The following NR6A1 variants were observed in gnomAD, a reference collection of about 807,000 sequenced individuals.
NR6A1 encodes nuclear receptor subfamily 6 group A member 1, also known as retinoic acid receptor-related testis-associated receptor.
Under a neutral mutation model 59.1 loss-of-function variants are expected in NR6A1, and 7 were observed. That is an observed-to-expected ratio of 0.12 (90% confidence interval 0.07 to 0.22). NR6A1 has a LOEUF of 0.22. NR6A1 is among the 10% of genes least tolerant of loss of function. NR6A1 has a pLI of 1.00. For synonymous variants in NR6A1, 243 were observed against 236.1 expected, an observed-to-expected ratio of 1.03 and a Z score of -0.27; for missense variants, 468 against 611.6, an observed-to-expected ratio of 0.77 and a Z score of 2.48.
intron 1 of NR6A1, among the ~76,000 whole-genome samples, chr9:124,767,749 G>C (rs1310446088): frequency 6.6e-6 from 1 of 152,122 alleles, no homozygotes; most frequent in Non-Finnish European, 1.5e-5. Context: ...AGAAGAAAAA[G>C]GCACCGTGCT....
intron 2 of NR6A1, among the ~76,000 whole-genome samples, chr9:124,644,876 G>T (rs1042555353): frequency 2.6e-5 from 4 of 152,200 alleles, no homozygotes; most frequent in Admixed American, 6.5e-5. Context: ...CTGTACTTCA[G>T]ATTTTCCAGG....
In NR6A1 at chr9:124,684,135, T is replaced by C. The variant is rs186109481; in HGVS notation, c.142+49173A>G. On this transcript the variant is annotated intron_variant, in intron 2 of 9. Coordinates refer to ENST00000487099, the MANE Select transcript of NR6A1 (RefSeq NM_033334.4). ...GCAAGAAAACAAGCAAATAGGGAGA[T>C]GTGCTAGGTATGACCAAGCTGCCTC... Among the ~76,000 whole-genome samples the C allele has an allele frequency of 2.0e-5, 3 of 152,280 alleles. No individual in the cohort carries two copies. In the South Asian group the frequency reaches 6.2e-4, roughly 32 times the overall value.
chr9:124,685,331 G>A (rs1024679854), intron 2 of NR6A1, among the ~76,000 whole-genome samples: 11 of 152,120 alleles, frequency 7.2e-5, no homozygotes, highest in African/African-American at 2.4e-4. Context: ...CTTTTTCTGG[G>A]AGGAGTTGGG....
At chr9:124,565,901 G>A (rs1834227051) in intron 2 of NR6A1, among the ~76,000 whole-genome samples, 2 of 152,128 alleles carry the variant, frequency 1.3e-5, no homozygotes, top group East Asian at 3.8e-4. Flanking sequence ...TATGGAAAAC[G>A]GCATGTCACT....
chr9:124,604,588 C>G (rs1316312051), intron 2 of NR6A1, among the ~76,000 whole-genome samples: 1 of 152,142 alleles, frequency 6.6e-6, no homozygotes, highest in African/African-American at 2.4e-5. Flanking sequence ...GCGGGTAGAT[C>G]GTTTGAGTCC....
intron 2 of NR6A1, among the ~76,000 whole-genome samples, chr9:124,571,066 T>C (rs1186351028): frequency 1.3e-5 from 2 of 152,184 alleles, no homozygotes; most frequent in African/African-American, 4.8e-5. Context: ...CAAGAGACGA[T>C]GTAGTGGACA....
At chr9:124,720,631 A>C (rs1413992549) in intron 2 of NR6A1, among the ~76,000 whole-genome samples, 2 of 152,204 alleles carry the variant, frequency 1.3e-5, no homozygotes, top group Non-Finnish European at 2.9e-5. Flanking sequence ...TCTATGACAA[A>C]TACTGGACCA....
chr9:124,522,588 G>T lies in NR6A1; in HGVS notation c.*117C>A. 1.5e-6 allele frequency: 1 copy of T among 653,940 alleles called. No homozygotes were observed. Among genetic ancestry groups the T allele is most frequent in the South Asian group, 2.1e-5 (1 of 47,276 alleles). The allele number at this position is 653,940 out of a possible 1,614,324, so 40.5% of individuals were successfully genotyped here. On this transcript the variant is annotated 3_prime_UTR_variant, in exon 10 of 10. Coordinates refer to ENST00000487099, the MANE Select transcript of NR6A1 (RefSeq NM_033334.4). ...AAACAAAAACTCTTCTTGCTATGGAGGCAACGGGAAATGCTGCTCCACAGC... is the reference window on the plus strand; with the variant it reads ...AAACAAAAACTCTTCTTGCTATGGATGCAACGGGAAATGCTGCTCCACAGC...
chr9:124,520,270 T>A lies in NR6A1; in HGVS notation c.*2435A>T, dbSNP rs1357597955. The A allele has an allele frequency of 1.3e-5, 2 of 152,188 alleles. No homozygotes were observed. The highest frequency in any genetic ancestry group is 4.8e-5 in the African/African-American group (2 of 41,424). The allele number at this position is 152,188 out of a possible 1,614,324, so 9.4% of individuals were successfully genotyped here. A position where few individuals can be genotyped will look rare whatever the true frequency, so the allele number is the denominator to read the frequency against. ...AAAGCCCACGTCATAAAAGGACTGG[T>A]GCAGAAGACATTAAAGACGGTCCAC... On this transcript the variant is annotated 3_prime_UTR_variant, in exon 10 of 10. Transcript: ENST00000487099.
intron 2 of NR6A1, among the ~76,000 whole-genome samples, chr9:124,711,607 C>G (rs1372427453): frequency 6.6e-6 from 1 of 152,144 alleles, no homozygotes; most frequent in Non-Finnish European, 1.5e-5. Context: ...TCAGGCACAT[C>G]CTTCTCACCC....
At chr9:124,683,998 A>G (rs867640351) in intron 2 of NR6A1, among the ~76,000 whole-genome samples, 1 of 152,198 alleles carries the variant, frequency 6.6e-6, no homozygotes, top group Admixed American at 6.5e-5. Flanking sequence ...GCAAAGTGGC[A>G]TTTTTGGAAA....
intron 2 of NR6A1, among the ~76,000 whole-genome samples, chr9:124,657,507 T>C (rs1330891721): frequency 6.6e-6 from 1 of 152,210 alleles, no homozygotes; most frequent in Non-Finnish European, 1.5e-5. Context: ...TTTACTGTTT[T>C]GAAACTTTAA....
chr9:124,665,309 A>G (rs952294409), intron 2 of NR6A1, among the ~76,000 whole-genome samples: 11 of 152,224 alleles, frequency 7.2e-5, no homozygotes, highest in Non-Finnish European at 1.3e-4. Flanking sequence ...AATTCATAAA[A>G]TAATGGAAAA....
intron 2 of NR6A1, among the ~76,000 whole-genome samples, chr9:124,700,480 C>A (rs1229515608): frequency 1.3e-5 from 2 of 152,068 alleles, no homozygotes; most frequent in Non-Finnish European, 2.9e-5. Flanking sequence ...CTCAGCCTCC[C>A]AAAGTGCTGG....
intron 2 of NR6A1, among the ~76,000 whole-genome samples, chr9:124,596,663 A>AAG (rs1835280697): frequency 6.6e-6 from 1 of 152,200 alleles, no homozygotes; most frequent in Non-Finnish European, 1.5e-5. Flanking sequence ...GATCTTAAAC[A>AAG]ATCATCATGC....
At position 124,673,263 on chromosome 9, in the gene NR6A1, G is replaced by A. The variant is rs180934559; in HGVS notation, c.142+60045C>T. ...CTTGAGCCCAGGAAGTTGAGGTTGT[G>A]GTTACAGTGAGCTTTGATTATACCA... is the stretch of plus-strand genomic sequence containing the variant. On this transcript the variant is annotated intron_variant, in intron 2 of 9. Coordinates refer to ENST00000487099, the MANE Select transcript of NR6A1 (RefSeq NM_033334.4). 4.2e-3 allele frequency among the ~76,000 whole-genome samples: 643 copies of A among 151,726 alleles called. 1 individual carries two copies. The highest frequency in any genetic ancestry group is 7.5e-3 in the South Asian group (36 of 4,790).
intron 1 of NR6A1, among the ~76,000 whole-genome samples, chr9:124,758,453 C>T (rs1343333378): frequency 6.6e-6 from 1 of 152,122 alleles, no homozygotes; most frequent in Non-Finnish European, 1.5e-5. Flanking sequence ...ATAAATATCC[C>T]ATTACAAGGA....
intron 2 of NR6A1, among the ~76,000 whole-genome samples, chr9:124,573,892 C>A (rs1834520523): frequency 6.6e-6 from 1 of 152,064 alleles, no homozygotes. Flanking sequence ...GCAAATTTAC[C>A]AAACTATTAT....
chr9:124,647,526 G>A (rs1348650488), intron 2 of NR6A1, among the ~76,000 whole-genome samples: 1 of 151,878 alleles, frequency 6.6e-6, no homozygotes, highest in African/African-American at 2.4e-5. Context: ...TCAGGAGTTC[G>A]AGACCAGCCT....
Sources: gnomAD v4.1 joint callset for allele counts (sites outside exome capture counted in the v4.1 genomes callset) on GRCh38, gnomAD v4.1.1 for gene constraint, MANE v1.5 for transcripts, NCBI Gene and HGNC (gene_info 2026-07-23, HGNC 2026-07-21) for gene names.